Variants in CSMD1 observed in about 807,000 individuals in gnomAD.
CSMD1 encodes the protein CUB and Sushi multiple domains 1, also known as CUB and sushi domain-containing protein 1.
CSMD1 carries 213 observed loss-of-function variants against 417.5 expected under a neutral mutation model. That is an observed-to-expected ratio of 0.51 (90% CI 0.46 to 0.57). The LOEUF is 0.57. CSMD1 is among the 20% of genes least tolerant of loss of function. CSMD1 has a pLI of 0.00. For missense variants in CSMD1, 6,923 were observed against 4,529.7 expected (o/e 1.53, Z -15.17); for synonymous variants, 2,862 against 1,736.8 (o/e 1.65, Z -16.11).
At chr8:3,723,427 G>C (rs919191609) in intron 6 of CSMD1, among the ~76,000 whole-genome samples, 3 of 152,190 alleles carry the variant, frequency 2.0e-5, no homozygotes, top group Non-Finnish European at 2.9e-5. Context: ...CACTCAAGGA[G>C]GGTGCATTAT....
intron 5 of CSMD1, among the ~76,000 whole-genome samples, chr8:3,811,687 T>C (rs1801090799): frequency 6.6e-6 from 1 of 152,088 alleles, no homozygotes; most frequent in South Asian, 2.1e-4. Flanking sequence ...CAATACTAGA[T>C]GGATGTTTGT....
chr8:4,110,595 A>T (rs1352237014), intron 3 of CSMD1, among the ~76,000 whole-genome samples: 14 of 151,698 alleles, frequency 9.2e-5, no homozygotes, highest in African/African-American at 3.4e-4. Flanking sequence ...ATTTCTGAAA[A>T]CCATTTTGTA....
intron 3 of CSMD1, among the ~76,000 whole-genome samples, chr8:4,230,837 G>A (rs1801677827): frequency 1.3e-5 from 2 of 151,472 alleles, no homozygotes; most frequent in Admixed American, 6.6e-5. Context: ...TGTATTTTTT[G>A]TGGTTAGGAA....
At chr8:4,620,611 C>T (rs1452220483) in intron 2 of CSMD1, among the ~76,000 whole-genome samples, 2 of 151,682 alleles carry the variant, frequency 1.3e-5, no homozygotes, top group Non-Finnish European at 2.9e-5. Flanking sequence ...AATAAGACTG[C>T]TTGAAAAGCC....
At chr8:3,420,779 C>G (rs1425689425) in intron 12 of CSMD1, among the ~76,000 whole-genome samples, 1 of 152,136 alleles carries the variant, frequency 6.6e-6, no homozygotes, top group Non-Finnish European at 1.5e-5. Context: ...CATTCTATTA[C>G]TTTCACCATT....
At chr8:4,893,348 G>A (rs1804255034) in intron 1 of CSMD1, among the ~76,000 whole-genome samples, 1 of 151,816 alleles carries the variant, frequency 6.6e-6, no homozygotes, top group Non-Finnish European at 1.5e-5. Context: ...GTATTTTTCT[G>A]TCACTTTTTT....
chr8:4,802,889 T>C (rs924186461), intron 1 of CSMD1, among the ~76,000 whole-genome samples: 14 of 152,198 alleles, frequency 9.2e-5, no homozygotes, highest in African/African-American at 3.1e-4. Context: ...TATCCGTGTG[T>C]TTTCAAATCG....
chr8:3,659,529 T>C (rs1278660048), intron 7 of CSMD1, among the ~76,000 whole-genome samples: 5 of 152,188 alleles, frequency 3.3e-5, no homozygotes, highest in Non-Finnish European at 7.4e-5. Context: ...CCAGCTGTCC[T>C]GGGATGATCC....
At chr8:4,077,477 G>C (rs1269744676) in intron 3 of CSMD1, among the ~76,000 whole-genome samples, 2 of 151,314 alleles carry the variant, frequency 1.3e-5, no homozygotes, top group African/African-American at 4.9e-5. Flanking sequence ...ATGTCTAGTT[G>C]AGGCTTCACC....
chr8:4,521,358 A>G (rs1340042603), intron 2 of CSMD1, among the ~76,000 whole-genome samples: 1 of 152,170 alleles, frequency 6.6e-6, no homozygotes, highest in Non-Finnish European at 1.5e-5. Flanking sequence ...AGAACCTTTA[A>G]GCAGGGCTAA....
intron 23 of CSMD1, among the ~76,000 whole-genome samples, chr8:3,325,444 G>C (rs184372561): frequency 9.8e-5 from 15 of 152,286 alleles, no homozygotes; most frequent in African/African-American, 2.6e-4. Context: ...CATTATTTAT[G>C]TCATCCTCCT....
intron 3 of CSMD1, among the ~76,000 whole-genome samples, chr8:4,376,010 T>C (rs1371915968): frequency 1.3e-5 from 2 of 152,126 alleles, no homozygotes; most frequent in Admixed American, 6.6e-5. Flanking sequence ...CAAGGGATTG[T>C]CTATGGTGGA....
At chr8:4,395,154 G>C (rs1051968075) in intron 3 of CSMD1, among the ~76,000 whole-genome samples, 2 of 152,230 alleles carry the variant, frequency 1.3e-5, no homozygotes, top group South Asian at 2.1e-4. Context: ...GCTGTCCTCT[G>C]ACACTCCCTT....
rs185183024 is a variant in CSMD1, at chr8:3,243,369, A to T, written c.4154-13138T>A. On this transcript the variant is annotated intron_variant, in intron 26 of 69. Coordinates refer to ENST00000635120, the MANE Select transcript of CSMD1 (RefSeq NM_033225.6). ...CCACCAAACAGGCTTTGTGTGAGCA[A>T]TAAAGCTGTTTATTTCACCTGGGTG... Among the ~76,000 whole-genome samples, 446 of 152,232 alleles carry T rather than the reference A, an allele frequency of 2.9e-3. 5 individuals are homozygous for T. The highest frequency in any genetic ancestry group is 1.0e-2 in the African/African-American group (414 of 41,538).
At chr8:4,436,601 C>G (rs1335433722) in intron 2 of CSMD1, among the ~76,000 whole-genome samples, 2 of 152,108 alleles carry the variant, frequency 1.3e-5, no homozygotes, top group Non-Finnish European at 2.9e-5. Flanking sequence ...TCCTGCTGTG[C>G]AAGCAAATAG....
chr8:4,420,361 T>G (rs1347192117), intron 2 of CSMD1, among the ~76,000 whole-genome samples: 1 of 152,018 alleles, frequency 6.6e-6, no homozygotes, highest in Non-Finnish European at 1.5e-5. Context: ...AATTATCTAC[T>G]GCCAACTTTT....
rs531554204 is a variant in CSMD1 at position 4,175,156 on chromosome 8, G to GATC, written c.416-143060_416-143058dup. ...GTGTAAGACCTCGACCATCAAGAAA[G>GATC]ATCATTGTTGAAAAGTGATTTTTAA... is the stretch of plus-strand genomic sequence containing the variant. On this transcript the variant is annotated intron_variant, in intron 3 of 69. Transcript: ENST00000635120. Among the ~76,000 whole-genome samples the GATC allele has an allele frequency of 7.7e-3, 1,171 of 152,080 alleles. 6 individuals carry two copies. Among genetic ancestry groups the GATC allele is most frequent in the Non-Finnish European group, 0.012 (826 of 68,010 alleles).
chr8:4,879,734 A>C (rs561292042), intron 1 of CSMD1, among the ~76,000 whole-genome samples: 1 of 152,190 alleles, frequency 6.6e-6, no homozygotes, highest in East Asian at 1.9e-4. Context: ...AGGGATTGGG[A>C]CTTTCATAAT....
chr8:4,695,135 A>T (rs1218865633), intron 1 of CSMD1, among the ~76,000 whole-genome samples: 1 of 152,146 alleles, frequency 6.6e-6, no homozygotes, highest in African/African-American at 2.4e-5. Flanking sequence ...ACCGTGACTT[A>T]TCAAATACTC....
Sources: gnomAD v4.1 joint callset for allele counts (sites outside exome capture counted in the v4.1 genomes callset) on GRCh38, gnomAD v4.1.1 for gene constraint, MANE v1.5 for transcripts, NCBI Gene and HGNC (gene_info 2026-07-23, HGNC 2026-07-21) for gene names.